CNTNAP2: variants seen among roughly 807,000 people sequenced by gnomAD.
CNTNAP2 encodes the protein contactin associated protein 2.
CNTNAP2 carries 98 observed loss-of-function variants against 155.2 expected under a neutral mutation model. The observed-to-expected ratio is 0.63, with a 90% CI of 0.54 to 0.75. The LOEUF is 0.75. Ranked by LOEUF, CNTNAP2 falls within the 30% of genes least tolerant of loss-of-function variation. The pLI is 0.00. For synonymous variants in CNTNAP2, 651 were observed against 631.2 expected (o/e 1.03, Z -0.47); for missense variants, 1,727 against 1,688.1 (o/e 1.02, Z -0.40).
intron 21 of CNTNAP2, among the ~76,000 whole-genome samples, chr7:148,347,171 C>T (rs1798343010): frequency 1.3e-5 from 2 of 151,786 alleles, no homozygotes; most frequent in Non-Finnish European, 1.5e-5. Context: ...GCAGGAGAAT[C>T]GCCTGAACCC....
chr7:148,026,869 A>G (rs1430474998), intron 15 of CNTNAP2, among the ~76,000 whole-genome samples: 1 of 152,166 alleles, frequency 6.6e-6, no homozygotes, highest in African/African-American at 2.4e-5. Context: ...CCAAATTGTC[A>G]TCTAACTATT....
At chr7:148,306,789 A>G (rs545524537) in intron 21 of CNTNAP2, among the ~76,000 whole-genome samples, 3 of 151,290 alleles carry the variant, frequency 2.0e-5, no homozygotes, top group South Asian at 2.1e-4. Flanking sequence ...GTGTGTGTAT[A>G]TGTGTATTTT....
chr7:146,181,262 G>T (rs914487436), intron 1 of CNTNAP2, among the ~76,000 whole-genome samples: 3 of 152,084 alleles, frequency 2.0e-5, no homozygotes, highest in African/African-American at 7.2e-5. Flanking sequence ...AGAATAAGGA[G>T]GTTAGGATTT....
intron 13 of CNTNAP2, among the ~76,000 whole-genome samples, chr7:147,886,906 A>G (rs1335503917): frequency 6.6e-6 from 1 of 152,198 alleles, no homozygotes; most frequent in Non-Finnish European, 1.5e-5. Flanking sequence ...TAGCTGATCC[A>G]TCAGGTCAAC....
chr7:148,406,135 G>C (rs1439207374), intron 22 of CNTNAP2, among the ~76,000 whole-genome samples: 1 of 151,944 alleles, frequency 6.6e-6, no homozygotes, highest in African/African-American at 2.4e-5. Context: ...GGGAGGCTGA[G>C]GCAGGAGAAT....
At position 146,622,269 on chromosome 7, in the gene CNTNAP2, ATCTATCTATC is replaced by A. The variant is rs780785147; in HGVS notation, c.98-152000_98-151991del. Among the ~76,000 whole-genome samples, 1,062 of 109,548 alleles carry A rather than the reference ATCTATCTATC, an allele frequency of 9.7e-3. 8 individuals carry two copies. Among genetic ancestry groups the A allele is most frequent in the Middle Eastern group, 0.02 (4 of 200 alleles). 71.9% of individuals were successfully genotyped at this position (109,548 alleles called of 152,430 possible). A position where few individuals can be genotyped will look rare whatever the true frequency, so the allele number is the denominator to read the frequency against. On this transcript the variant is annotated intron_variant, in intron 1 of 23. Transcript: ENST00000361727. ...TATCTATCTATCTATCTATCTATCT[ATCTATCTATC>A]TATATATATATATGTTTTAGCTTGT...
intron 15 of CNTNAP2, among the ~76,000 whole-genome samples, chr7:148,038,966 A>G (rs556794842): frequency 7.2e-5 from 11 of 152,276 alleles, no homozygotes; most frequent in Admixed American, 2.0e-4. Context: ...TCCTTTTTGT[A>G]TTAGTTAAGG....
intron 10 of CNTNAP2, among the ~76,000 whole-genome samples, chr7:147,410,455 AG>A (rs1280059129): frequency 6.6e-6 from 1 of 152,138 alleles, no homozygotes; most frequent in African/African-American, 2.4e-5. Context: ...CTCATTACCT[AG>A]GTGATGAAAT....
At chr7:147,519,168 T>TA (rs1282816975) in intron 11 of CNTNAP2, among the ~76,000 whole-genome samples, 1 of 152,160 alleles carries the variant, frequency 6.6e-6, no homozygotes, top group Non-Finnish European at 1.5e-5. Context: ...CTCACTAGGT[T>TA]AAAATCAACA....
chr7:147,318,574 C>T (rs79791106), intron 9 of CNTNAP2, among the ~76,000 whole-genome samples: 1 of 152,044 alleles, frequency 6.6e-6, no homozygotes, highest in Non-Finnish European at 1.5e-5. Context: ...AACAGAAAAC[C>T]AACACCACAT....
intron 20 of CNTNAP2, among the ~76,000 whole-genome samples, chr7:148,236,506 CA>C (rs1307268692): frequency 1.3e-5 from 2 of 152,098 alleles, no homozygotes; most frequent in African/African-American, 4.8e-5. Context: ...ACATGAGGAG[CA>C]AAAAGCAACT....
intron 9 of CNTNAP2, among the ~76,000 whole-genome samples, chr7:147,377,774 A>G (rs1584911004): frequency 6.6e-6 from 1 of 151,852 alleles, no homozygotes; most frequent in Non-Finnish European, 1.5e-5. Flanking sequence ...CACTTTTCTT[A>G]AGAAGCTTCC....
At chr7:146,947,073 C>T (rs1308155158) in intron 3 of CNTNAP2, among the ~76,000 whole-genome samples, 2 of 150,388 alleles carry the variant, frequency 1.3e-5, no homozygotes, top group Non-Finnish European at 3.0e-5. Flanking sequence ...CTGTTGTTGC[C>T]CAGGTTGGAG....
At chr7:147,678,251 A>G (rs777236739) in intron 13 of CNTNAP2, among the ~76,000 whole-genome samples, 16 of 151,768 alleles carry the variant, frequency 1.1e-4, no homozygotes, top group Non-Finnish European at 2.1e-4. Flanking sequence ...GTTTTTCCCA[A>G]TACCAGGGCC....
chr7:146,281,835 T>C (rs1453183646), intron 1 of CNTNAP2, among the ~76,000 whole-genome samples: 4 of 152,076 alleles, frequency 2.6e-5, no homozygotes, highest in Non-Finnish European at 5.9e-5. Flanking sequence ...GTTTCCTTAC[T>C]TGTAAAAGTG....
chr7:147,201,030 C>G (rs1802911095), intron 8 of CNTNAP2, among the ~76,000 whole-genome samples: 1 of 152,130 alleles, frequency 6.6e-6, no homozygotes, highest in South Asian at 2.1e-4. Context: ...GAAACACTGG[C>G]TTAATCACCG....
intron 8 of CNTNAP2, among the ~76,000 whole-genome samples, chr7:147,299,387 A>G (rs1403511866): frequency 6.6e-6 from 1 of 151,900 alleles, no homozygotes; most frequent in Non-Finnish European, 1.5e-5. Flanking sequence ...ATCAAGCAAC[A>G]ATGAAGTGCC....
rs570940841 is a variant in CNTNAP2, at chr7:148,393,158, G to C, written c.3715+9270G>C. 2.6e-5 allele frequency among the ~76,000 whole-genome samples: 4 copies of C among 152,024 alleles called. No homozygotes were observed. The South Asian group carries it at 8.3e-4, about 31-fold the overall frequency. On this transcript the variant is annotated intron_variant, in intron 22 of 23. Coordinates refer to ENST00000361727, the MANE Select transcript of CNTNAP2 (RefSeq NM_014141.6). ...TCTGTTTTCTACCTAACTACAAGCTGATCATTGGTTTTCTTTACCACCTGC... is the reference window on the plus strand; with the variant it reads ...TCTGTTTTCTACCTAACTACAAGCTCATCATTGGTTTTCTTTACCACCTGC...
intron 15 of CNTNAP2, among the ~76,000 whole-genome samples, chr7:148,093,610 G>A (rs1010463785): frequency 5.9e-5 from 9 of 152,236 alleles, no homozygotes; most frequent in South Asian, 2.1e-4. Flanking sequence ...ACATACCTTC[G>A]TTTTACAGAC....
Sources: gnomAD v4.1 joint callset for allele counts (sites outside exome capture counted in the v4.1 genomes callset) on GRCh38, gnomAD v4.1.1 for gene constraint, MANE v1.5 for transcripts, NCBI Gene and HGNC (gene_info 2026-07-23, HGNC 2026-07-21) for gene names.